ZSCAN20: variants seen among roughly 807,000 people sequenced by gnomAD.
The protein encoded by ZSCAN20 is zinc finger and SCAN domain-containing protein 20.
In ZSCAN20, 39 loss-of-function variants were observed where a neutral mutation model predicts 97.1. The observed-to-expected ratio is 0.40, with a 90% confidence interval of 0.31 to 0.52. ZSCAN20 has a LOEUF of 0.52. Ranked by LOEUF, ZSCAN20 falls within the 20% of genes least tolerant of loss-of-function variation. The probability of loss-of-function intolerance (pLI) is 0.49; values close to 1 mark genes in which losing one functional copy is unlikely to be tolerated. For missense variants in ZSCAN20, 1,115 were observed against 1,290.4 expected (o/e 0.86, Z 2.08); for synonymous variants, 456 against 467.3 (o/e 0.98, Z 0.31).
chr1:33,479,192 A>G lies in ZSCAN20; in HGVS notation c.-97A>G. ...TTTCTGCCTTAGAGCCTTGGGGAGC[A>G]GTCCCTTTTCTAGGAGCCTCTTGAA... On this transcript the variant is annotated 5_prime_UTR_variant, in exon 2 of 8. Coordinates refer to ENST00000684572, the MANE Select transcript of ZSCAN20 (RefSeq NM_001377376.1). 7.6e-7 allele frequency: 1 copy of G among 1,321,370 alleles called. No homozygotes were observed. The highest frequency in any genetic ancestry group is 1.0e-6 in the Non-Finnish European group (1 of 958,386). The allele number at this position is 1,321,370 out of a possible 1,614,324, so 81.9% of individuals were successfully genotyped here. A position where few individuals can be genotyped will look rare whatever the true frequency, so the allele number is the denominator to read the frequency against.
rs1652867419 is a variant in ZSCAN20 at position 33,496,484 on chromosome 1, G to A, written c.*1008G>A. Reference sequence around the variant, plus strand: ...CGCAATAATATGGGTGAGAGATATAGGTGGGTTGAGATTGGGAAAAATATG... The same window carrying A: ...CGCAATAATATGGGTGAGAGATATAAGTGGGTTGAGATTGGGAAAAATATG... On this transcript the variant is annotated 3_prime_UTR_variant, in exon 8 of 8. Coordinates refer to ENST00000684572, the MANE Select transcript of ZSCAN20 (RefSeq NM_001377376.1). 5.3e-5 allele frequency: 8 copies of A among 152,160 alleles called. No homozygotes were observed. In the South Asian group the frequency reaches 1.7e-3, roughly 32 times the overall value. 9.4% of individuals were successfully genotyped at this position (152,160 alleles called of 1,614,324 possible).
At position 33,499,977 on chromosome 1, in the gene ZSCAN20, T is replaced by C. The variant is rs949212532; in HGVS notation, c.*4501T>C. ...GCCCCAATCTGCTACAAGGGGTTAG[T>C]GTTCCATGCAGTGGGAGTGCAGGGA... On this transcript the variant is annotated 3_prime_UTR_variant, in exon 8 of 8. Transcript: ENST00000684572. 1.3e-5 allele frequency among the ~76,000 whole-genome samples: 2 copies of C among 152,108 alleles called. No homozygotes were observed. Among genetic ancestry groups the C allele is most frequent in the Non-Finnish European group, 2.9e-5 (2 of 68,020 alleles).
At position 33,494,935 on chromosome 1, in the gene ZSCAN20, G is replaced by C. The variant is rs1486476747; in HGVS notation, c.2591G>C (p.Gly864Ala). ...ATCAGTAAGGACTTGAATTCTCCTGGACCACACAGCACAAACTCAGGGGAG... is the reference window on the plus strand; with the variant it reads ...ATCAGTAAGGACTTGAATTCTCCTGCACCACACAGCACAAACTCAGGGGAG... ...QSISKDLNSPGPHSTNSGEKL... is the reference protein window; with the variant it reads ...QSISKDLNSPAPHSTNSGEKL... Residue 864 changes from glycine to alanine, a missense_variant, in exon 8 of 8, where the codon GGA becomes GCA. Physicochemically the swap from Gly to Ala is moderately conservative, Grantham distance 60. This residue lies in a region of ZSCAN20 where 554 missense variants were observed against 584.9 expected (regional missense o/e 0.95). Coordinates refer to ENST00000684572, the MANE Select transcript of ZSCAN20 (RefSeq NM_001377376.1). 1 of 1,614,034 alleles carries C rather than the reference G, an allele frequency of 6.2e-7. No individual in the cohort carries two copies. Among genetic ancestry groups the C allele is most frequent in the African/African-American group, 1.3e-5 (1 of 74,914 alleles).
Position 33,479,483 on chromosome 1 carries a change from C to A in ZSCAN20, c.195C>A (p.Pro65=), listed in dbSNP as rs767911549. 6.2e-7 allele frequency: 1 copy of A among 1,613,468 alleles called. No individual in the cohort carries two copies. Among genetic ancestry groups the A allele is most frequent in the Non-Finnish European group, 8.5e-7 (1 of 1,179,574 alleles). ...TCCAATACAGGGATGCAGCTGGACC[C>A]CACGAGGCCTTCAGCCAGCTCTGGG... ...RQFQYRDAAG[P]HEAFSQLWAL... The change falls in exon 2 of 8, where the codon CCC becomes CCA. Residue 65 remains proline, a synonymous_variant. Coordinates refer to ENST00000684572, the MANE Select transcript of ZSCAN20 (RefSeq NM_001377376.1).
Position 33,491,960 on chromosome 1 carries a change from G to A in ZSCAN20, c.1444+258G>A. ...AAGAGTGAATCCAGTATTTCCAAAA[G>A]TGTGTCACTGGTAGTATGGGATGAT... On this transcript the variant is annotated intron_variant, in intron 6 of 7. Coordinates refer to ENST00000684572, the MANE Select transcript of ZSCAN20 (RefSeq NM_001377376.1). This position sits in a 1 kb window ranked among gnomAD's most constrained non-coding sequence, Gnocchi z 4.3. 1 of 357,962 alleles carries A rather than the reference G, an allele frequency of 2.8e-6. No homozygotes were observed. The highest frequency in any genetic ancestry group is 4.3e-5 in the East Asian group (1 of 23,174). The allele number at this position is 357,962 out of a possible 1,614,324, so 22.2% of individuals were successfully genotyped here.
Position 33,495,490 on chromosome 1 carries a change from C to T in ZSCAN20, c.*14C>T. On this transcript the variant is annotated 3_prime_UTR_variant, in exon 8 of 8. Coordinates refer to ENST00000684572, the MANE Select transcript of ZSCAN20 (RefSeq NM_001377376.1). ...AAGGCGTCGTAGGGGACAGTTTCCTCAACAACAAAGGAGGACTCAATGTAT... is the reference window on the plus strand; with the variant it reads ...AAGGCGTCGTAGGGGACAGTTTCCTTAACAACAAAGGAGGACTCAATGTAT... 6.7e-7 allele frequency: 1 copy of T among 1,499,324 alleles called. No individual in the cohort carries two copies. The highest frequency in any genetic ancestry group is 1.4e-5 in the South Asian group (1 of 69,382). 92.9% of individuals were successfully genotyped at this position (1,499,324 alleles called of 1,614,324 possible).
chr1:33,493,320 T>C lies in ZSCAN20; in HGVS notation c.1578T>C (p.Ala526=). Residue 526 remains alanine, a synonymous_variant, in exon 7 of 8, where the codon GCT becomes GCC. Transcript: ENST00000684572. The surrounding 1 kb of genome is among the most constrained non-coding windows in gnomAD (Gnocchi z 4.3). Reference sequence around the variant, plus strand: ...GGGCCATTGCAGAGCGGCTGTGTGCTCTGGGCTTCCTGCGGACACTGGAGC... The same window carrying C: ...GGGCCATTGCAGAGCGGCTGTGTGCCCTGGGCTTCCTGCGGACACTGGAGC... The part of the protein sequence containing the change: ...VYRAIAERLC[A]LGFLRTLEQC... The C allele has an allele frequency of 6.2e-7, 1 of 1,614,206 alleles. No homozygotes were observed. The highest frequency in any genetic ancestry group is 1.7e-5 in the Admixed American group (1 of 60,026).
intron 7 of ZSCAN20, 30 bp from the exon 8 acceptor site, chr1:33,494,188 G>A: frequency 6.5e-7 from 1 of 1,532,646 alleles, no homozygotes. Flanking sequence ...AATGAGTGAA[G>A]AAAAACTGCA....
At position 33,489,534 on chromosome 1, in the gene ZSCAN20, G is replaced by C; in HGVS notation, c.698G>C (p.Gly233Ala). The stretch of plus-strand genomic sequence containing the variant: ...ATCTCGCAGGAAGCCCTGGGCCCTG[G>C]CAAACATGCTGAGAAGGAGCTCTGT... ...TAESQEALGP[G>A]KHAEKELCKD... Residue 233 changes from glycine (G) to alanine (A), a missense_variant, in exon 5 of 8, where the codon GGC (glycine) becomes GCC (alanine). Coordinates refer to ENST00000684572, the MANE Select transcript of ZSCAN20 (RefSeq NM_001377376.1). 6.2e-7 allele frequency: 1 copy of C among 1,614,104 alleles called. No homozygotes were observed. The highest frequency in any genetic ancestry group is 1.1e-5 in the South Asian group (1 of 91,076).
chr1:33,473,250 C>G (rs774829707), intron 1 of ZSCAN20, among the ~76,000 whole-genome samples: 86 of 152,268 alleles, frequency 5.6e-4, no homozygotes, highest in Non-Finnish European at 1.1e-3. Context: ...ACCTACCTAC[C>G]TACCTACTTA....
chr1:33,489,390 C>T, intron 4 of ZSCAN20, 128 bp from the exon 5 acceptor site: 1 of 1,069,550 alleles, frequency 9.3e-7, no homozygotes, highest in East Asian at 2.6e-5. Context: ...CCATCCTGCT[C>T]CTTATGATGC....
rs1203855174 is a variant in ZSCAN20, at chr1:33,501,643, A to G, written c.*6167A>G. Among the ~76,000 whole-genome samples, 2 of 152,174 alleles carry G rather than the reference A, an allele frequency of 1.3e-5. No individual in the cohort carries two copies. The highest frequency in any genetic ancestry group is 4.8e-5 in the African/African-American group (2 of 41,436). On this transcript the variant is annotated 3_prime_UTR_variant, in exon 8 of 8. Coordinates refer to ENST00000684572, the MANE Select transcript of ZSCAN20 (RefSeq NM_001377376.1). ...ATAAATTATATTAAACTGCCAAAAAAGGAATGTGTTTTCGATTCTTCTGGC... is the reference window on the plus strand; with the variant it reads ...ATAAATTATATTAAACTGCCAAAAAGGGAATGTGTTTTCGATTCTTCTGGC...
Position 33,479,544 on chromosome 1 carries a change from C to A in ZSCAN20, c.256C>A (p.Leu86Ile), listed in dbSNP as rs1381021258. ...TCGTTGGCTGAGGCCGGAGATCCGTCTCAAAGAGCAGATCCTGGAGCTGCT... is the reference window on the plus strand; with the variant it reads ...TCGTTGGCTGAGGCCGGAGATCCGTATCAAAGAGCAGATCCTGGAGCTGCT... ...CCRWLRPEIRLKEQILELLVL... is the reference protein window; with the variant it reads ...CCRWLRPEIRIKEQILELLVL... Residue 86 changes from leucine (L) to isoleucine (I), a missense_variant, in exon 2 of 8, where the codon CTC becomes ATC. Leu to Ile is a conservative substitution (Grantham distance 5). Transcript: ENST00000684572. 9 of 1,613,732 alleles carry A rather than the reference C, an allele frequency of 5.6e-6. No homozygotes were observed. Among genetic ancestry groups the A allele is most frequent in the Middle Eastern group, 1.7e-4 (1 of 6,056 alleles).
chr1:33,489,995 T>C (rs150744502), intron 5 of ZSCAN20, among the ~76,000 whole-genome samples: 11 of 152,230 alleles, frequency 7.2e-5, no homozygotes, highest in Non-Finnish European at 1.3e-4. Context: ...GGAATAAATA[T>C]CACAGAGCCC....
chr1:33,497,413 G>C lies in ZSCAN20; in HGVS notation c.*1937G>C, dbSNP rs568636311. Among the ~76,000 whole-genome samples the C allele has an allele frequency of 1.3e-5, 2 of 152,308 alleles. No homozygotes were observed. The highest frequency in any genetic ancestry group is 4.1e-4 in the South Asian group (2 of 4,828). ...AGAGGAAGGATCCTGAGGTGAGGGA[G>C]AGGGAGGGAATTCCAGGGAAAGGCA... On this transcript the variant is annotated 3_prime_UTR_variant, in exon 8 of 8. Coordinates refer to ENST00000684572, the MANE Select transcript of ZSCAN20 (RefSeq NM_001377376.1).
At position 33,491,898 on chromosome 1, in the gene ZSCAN20, A is replaced by G. The variant is rs1402005108; in HGVS notation, c.1444+196A>G. 7 of 490,320 alleles carry G rather than the reference A, an allele frequency of 1.4e-5. No homozygotes were observed. Among genetic ancestry groups the G allele is most frequent in the Admixed American group, 1.1e-4 (3 of 26,476 alleles). The allele number at this position is 490,320 out of a possible 1,614,324, so 30.4% of individuals were successfully genotyped here. A position where few individuals can be genotyped will look rare whatever the true frequency, so the allele number is the denominator to read the frequency against. The stretch of plus-strand genomic sequence containing the variant: ...TCTCTTTGCAAAAGTCTTCTTAGTT[A>G]TAGAAGCAAACATTTTTAAAGCCTT... On this transcript the variant is annotated intron_variant, in intron 6 of 7. Transcript: ENST00000684572. The surrounding 1 kb of genome is among the most constrained non-coding windows in gnomAD (Gnocchi z 4.3).
At chr1:33,490,793 T>TAAC (rs970674312) in intron 5 of ZSCAN20, among the ~76,000 whole-genome samples, 18 of 152,112 alleles carry the variant, frequency 1.2e-4, no homozygotes, top group African/African-American at 3.1e-4. Context: ...TCATGTTTCA[T>TAAC]AACAACAACA....
rs1653002662 is a variant in ZSCAN20 at position 33,499,838 on chromosome 1, C to A, written c.*4362C>A. ...TCTTGAACTCCTGGCCTCAAGCGATCCTCCCACCTCAGCCTCCCAAAGCTC... is the reference window on the plus strand; with the variant it reads ...TCTTGAACTCCTGGCCTCAAGCGATACTCCCACCTCAGCCTCCCAAAGCTC... On this transcript the variant is annotated 3_prime_UTR_variant, in exon 8 of 8. Coordinates refer to ENST00000684572, the MANE Select transcript of ZSCAN20 (RefSeq NM_001377376.1). Among the ~76,000 whole-genome samples the A allele has an allele frequency of 6.6e-6, 1 of 151,966 alleles. No individual in the cohort carries two copies. The highest frequency in any genetic ancestry group is 1.5e-5 in the Non-Finnish European group (1 of 68,010).
At chr1:33,490,623 G>A (rs2148470491) in intron 5 of ZSCAN20, among the ~76,000 whole-genome samples, 1 of 150,340 alleles carries the variant, frequency 6.7e-6, no homozygotes, top group South Asian at 2.1e-4. Flanking sequence ...TGGATGCCTA[G>A]CAGGACAGAG....
Sources: gnomAD v4.1 joint callset for allele counts (sites outside exome capture counted in the v4.1 genomes callset) on GRCh38, gnomAD v4.1.1 for gene constraint, gnomAD v4.1.1 regional missense constraint, Gnocchi (gnomAD v3.1) non-coding constraint, MANE v1.5 for transcripts, NCBI Gene and HGNC (gene_info 2026-07-23, HGNC 2026-07-21) for gene names.